The following ZHX2 variants were observed in gnomAD, a reference collection of about 807,000 sequenced individuals.
ZHX2 encodes the protein zinc fingers and homeoboxes 2.
A neutral mutation model predicts 21.9 loss-of-function variants in ZHX2; 6 were observed. The observed-to-expected ratio is 0.27, with a 90% CI of 0.15 to 0.54. The LOEUF (loss-of-function observed/expected upper bound fraction) is 0.54. Among genes scored for constraint, ZHX2 ranks in the 20% least tolerant of loss-of-function variants. The pLI, the probability that ZHX2 is intolerant of heterozygous loss-of-function variation, is 0.95. For missense variants in ZHX2, 908 were observed against 1,090.7 expected, an observed-to-expected ratio of 0.83 and a Z score of 2.36; for synonymous variants, 434 against 437.1, an observed-to-expected ratio of 0.99 and a Z score of 0.09.
At chr8:122,897,708 A>G (rs1055500179) in intron 2 of ZHX2, among the ~76,000 whole-genome samples, 1 of 152,106 alleles carries the variant, frequency 6.6e-6, no homozygotes, top group African/African-American at 2.4e-5. Context: ...AAAAAAAAGA[A>G]TGAGAGTTTC....
chr8:122,951,564 A>C lies in ZHX2; in HGVS notation c.54A>C (p.Val18=). ...TTPCMVRTSQ[V]VEQDVPEEVD... is the part of the protein sequence containing the mutation. ...CATGCATGGTTCGGACATCACAAGT[A>C]GTAGAACAAGATGTGCCCGAGGAAG... The change falls in exon 3 of 4, where the codon GTA becomes GTC. Residue 18 remains valine (V), a synonymous_variant. Transcript: ENST00000314393. 6.2e-7 allele frequency: 1 copy of C among 1,613,934 alleles called. No individual in the cohort carries two copies. Among genetic ancestry groups the C allele is most frequent in the East Asian group, 2.2e-5 (1 of 44,862 alleles).
intron 1 of ZHX2, among the ~76,000 whole-genome samples, chr8:122,797,260 C>G (rs1018269113): frequency 6.6e-6 from 1 of 152,188 alleles, no homozygotes; most frequent in Non-Finnish European, 1.5e-5. Flanking sequence ...GGGATCCACG[C>G]TGCTAAAATT....
At chr8:122,830,831 AGG>A (rs1348705027) in intron 1 of ZHX2, among the ~76,000 whole-genome samples, 3 of 152,202 alleles carry the variant, frequency 2.0e-5, no homozygotes, top group Non-Finnish European at 4.4e-5. Flanking sequence ...CTATAAAAAG[AGG>A]GTGCTTTTGG....
intron 3 of ZHX2, among the ~76,000 whole-genome samples, chr8:122,967,131 T>A (rs1314576634): frequency 5.3e-5 from 8 of 152,260 alleles, no homozygotes; most frequent in African/African-American, 1.7e-4. Flanking sequence ...TAATGAACCT[T>A]CTGAATTCTT....
At chr8:122,930,712 A>G (rs772903329) in intron 2 of ZHX2, among the ~76,000 whole-genome samples, 1 of 150,920 alleles carries the variant, frequency 6.6e-6, no homozygotes. Flanking sequence ...TTGGCCTCGA[A>G]CTCCTGACCT....
chr8:122,870,530 T>C (rs2129687901), intron 2 of ZHX2, among the ~76,000 whole-genome samples: 1 of 148,722 alleles, frequency 6.7e-6, no homozygotes, highest in Admixed American at 6.8e-5. Context: ...TCCCAGCTAC[T>C]TGAGAGGCTG....
At chr8:122,864,780 C>T (rs893034065) in intron 2 of ZHX2, among the ~76,000 whole-genome samples, 12 of 152,098 alleles carry the variant, frequency 7.9e-5, no homozygotes, top group African/African-American at 2.7e-4. Context: ...GCCCACTGAG[C>T]GTGAGAAAAA....
intron 2 of ZHX2, among the ~76,000 whole-genome samples, chr8:122,950,931 C>T (rs1813094047): frequency 1.3e-5 from 2 of 152,136 alleles, no homozygotes; most frequent in South Asian, 4.2e-4. Flanking sequence ...GGGGACACAT[C>T]TCGCTTCCGA....
intron 1 of ZHX2, among the ~76,000 whole-genome samples, chr8:122,858,737 C>A (rs564675369): frequency 4.7e-5 from 7 of 150,108 alleles, no homozygotes; most frequent in African/African-American, 1.7e-4. Context: ...ATCTCCCAGG[C>A]TCAAGCAATT....
At chr8:122,895,858 C>G (rs961568611) in intron 2 of ZHX2, among the ~76,000 whole-genome samples, 5 of 152,282 alleles carry the variant, frequency 3.3e-5, no homozygotes, top group African/African-American at 9.6e-5. Context: ...CCCCAGCCCT[C>G]CCACCTGCCA....
intron 1 of ZHX2, among the ~76,000 whole-genome samples, chr8:122,846,421 G>T (rs1818752578): frequency 6.6e-6 from 1 of 152,154 alleles, no homozygotes; most frequent in Non-Finnish European, 1.5e-5. Context: ...GCTCTGAGAA[G>T]CCCTGTATTC....
At chr8:122,796,501 T>C (rs1362501215) in intron 1 of ZHX2, among the ~76,000 whole-genome samples, 1 of 152,220 alleles carries the variant, frequency 6.6e-6, no homozygotes, top group Non-Finnish European at 1.5e-5. Context: ...GATTCCAGTC[T>C]GATATTTGTG....
At chr8:122,849,156 C>A (rs954178199) in intron 1 of ZHX2, among the ~76,000 whole-genome samples, 1 of 152,118 alleles carries the variant, frequency 6.6e-6, no homozygotes, top group East Asian at 1.9e-4. Context: ...CTCTGGCCTC[C>A]CTGTTGGAGG....
At chr8:122,839,600 G>T (rs1476603138) in intron 1 of ZHX2, among the ~76,000 whole-genome samples, 1 of 152,198 alleles carries the variant, frequency 6.6e-6, no homozygotes, top group Non-Finnish European at 1.5e-5. Context: ...ATTGGAAGAG[G>T]CCTTAGGAAC....
At chr8:122,888,000 G>A (rs1255971372) in intron 2 of ZHX2, among the ~76,000 whole-genome samples, 1 of 152,138 alleles carries the variant, frequency 6.6e-6, no homozygotes, top group African/African-American at 2.4e-5. Flanking sequence ...GCCGTGGGTG[G>A]TCCTGGATTA....
At chr8:122,948,064 T>C (rs750090397) in intron 2 of ZHX2, among the ~76,000 whole-genome samples, 100 of 152,136 alleles carry the variant, frequency 6.6e-4, no homozygotes, top group Non-Finnish European at 1.1e-3. Context: ...AGTGCTTTCA[T>C]CTTCGAGGGG....
At chr8:122,917,272 C>T (rs1177039811) in intron 2 of ZHX2, among the ~76,000 whole-genome samples, 3 of 152,078 alleles carry the variant, frequency 2.0e-5, no homozygotes, top group Non-Finnish European at 2.9e-5. Context: ...TCTAAAAAGG[C>T]ACCGAGAAAC....
intron 2 of ZHX2, among the ~76,000 whole-genome samples, chr8:122,945,537 A>G (rs894284377): frequency 2.0e-5 from 3 of 150,920 alleles, no homozygotes; most frequent in African/African-American, 7.3e-5. Context: ...TTTGAGGGGC[A>G]TAGCAAATGC....
intron 3 of ZHX2, among the ~76,000 whole-genome samples, chr8:122,967,446 G>C (rs1813611513): frequency 6.6e-6 from 1 of 152,190 alleles, no homozygotes; most frequent in Non-Finnish European, 1.5e-5. Flanking sequence ...CAGTGGGGCT[G>C]CTGGGCTCCA....
Sources: allele counts gnomAD v4.1 joint callset (sites outside exome capture counted in the v4.1 genomes callset), GRCh38; gene constraint gnomAD v4.1.1; transcripts MANE v1.5; gene names NCBI Gene and HGNC (gene_info 2026-07-23, HGNC 2026-07-21).